CEP128: variants seen among roughly 807,000 people sequenced by gnomAD.
The protein encoded by CEP128 is centrosomal protein 128kDa.
CEP128 carries 132 observed loss-of-function variants against 156.7 expected under a neutral mutation model. The ratio of observed to expected loss-of-function variants is 0.84; its 90% confidence interval spans 0.73 to 0.97. CEP128 has a LOEUF of 0.97. Among genes scored for constraint, CEP128 ranks in the 50% least tolerant of loss-of-function variants. CEP128 has a pLI of 0.00. For missense variants in CEP128, 1,252 were observed against 1,281.9 expected, an observed-to-expected ratio of 0.98 and a Z score of 0.36; for synonymous variants, 469 against 448.9, an observed-to-expected ratio of 1.04 and a Z score of -0.57.
chr14:80,652,490 A>G (rs953423058), intron 19 of CEP128, among the ~76,000 whole-genome samples: 2 of 152,174 alleles, frequency 1.3e-5, no homozygotes, highest in Non-Finnish European at 2.9e-5. Context: ...ACTTAAATAA[A>G]TTTACAAGAA....
At chr14:80,710,609 A>C (rs1468660955) in intron 19 of CEP128, among the ~76,000 whole-genome samples, 1 of 152,116 alleles carries the variant, frequency 6.6e-6, no homozygotes, top group Non-Finnish European at 1.5e-5. Flanking sequence ...AATATAAAGC[A>C]AGTGACTTAT....
intron 23 of CEP128, among the ~76,000 whole-genome samples, chr14:80,509,588 T>C (rs1322384788): frequency 2.0e-5 from 3 of 152,194 alleles, no homozygotes; most frequent in Non-Finnish European, 4.4e-5. Context: ...ATTCTGTGGG[T>C]TGTCTTTTCA....
intron 23 of CEP128, among the ~76,000 whole-genome samples, chr14:80,505,272 T>A (rs1887920977): frequency 6.6e-6 from 1 of 152,244 alleles, no homozygotes; most frequent in Non-Finnish European, 1.5e-5. Context: ...GAATAGAATT[T>A]ATAAAACTTT....
chr14:80,531,278 T>C (rs773589881), intron 21 of CEP128, among the ~76,000 whole-genome samples: 1 of 152,226 alleles, frequency 6.6e-6, no homozygotes, highest in Non-Finnish European at 1.5e-5. Flanking sequence ...GTTACTTATC[T>C]ATGGAGTATA....
At chr14:80,754,261 GC>G in intron 18 of CEP128, among the ~76,000 whole-genome samples, 1 of 152,014 alleles carries the variant, frequency 6.6e-6, no homozygotes, top group South Asian at 2.1e-4. Flanking sequence ...TCATCAAATT[GC>G]TTCTGTTCTG....
At chr14:80,879,724 T>C (rs1888442220) in intron 8 of CEP128, among the ~76,000 whole-genome samples, 1 of 152,122 alleles carries the variant, frequency 6.6e-6, no homozygotes, top group African/African-American at 2.4e-5. Flanking sequence ...TTATGGGAAT[T>C]TCATAAAGAG....
intron 19 of CEP128, among the ~76,000 whole-genome samples, chr14:80,633,481 A>G (rs767648680): frequency 1.0e-4 from 13 of 130,410 alleles, no homozygotes; most frequent in Non-Finnish European, 1.9e-4. Flanking sequence ...CTTCTTCTCC[A>G]GTGTCTTCTG....
At chr14:80,700,702 T>C (rs937840185) in intron 19 of CEP128, among the ~76,000 whole-genome samples, 54 of 152,298 alleles carry the variant, frequency 3.5e-4, no homozygotes, top group African/African-American at 1.2e-3. Flanking sequence ...GTTAGCAATA[T>C]AGGATTCTGT....
chr14:80,914,739 T>C (rs951152392), intron 3 of CEP128, among the ~76,000 whole-genome samples: 7 of 152,164 alleles, frequency 4.6e-5, no homozygotes, highest in Non-Finnish European at 7.4e-5. Flanking sequence ...ACCCTCTTTA[T>C]AGAAAAGGAA....
At chr14:80,746,328 A>G (rs1282417395) in intron 18 of CEP128, among the ~76,000 whole-genome samples, 1 of 152,218 alleles carries the variant, frequency 6.6e-6, no homozygotes, top group Non-Finnish European at 1.5e-5. Context: ...ATACTTATCC[A>G]TTCCAAAGCT....
In CEP128 at chr14:80,785,301, T is replaced by A; in HGVS notation, c.1805A>T (p.Gln602Leu). Reference protein sequence around the residue: ...ESELKKQSKIQSQMKVEKAHL... With the variant: ...ESELKKQSKILSQMKVEKAHL... ...AGCTTTCTCAACTTTCATCTGGCTT[T>A]GGATCTTACTCTGCTTTTTCAATTC... is the stretch of plus-strand genomic sequence containing the variant. Residue 602 changes from glutamine to leucine, a missense_variant, in exon 15 of 25, where the codon CAA becomes CTA. Transcript: ENST00000555265. The A allele has an allele frequency of 6.2e-7, 1 of 1,614,200 alleles. No homozygotes were observed. Among genetic ancestry groups the A allele is most frequent in the Non-Finnish European group, 8.5e-7 (1 of 1,180,026 alleles).
At chr14:80,902,234 C>A (rs1883614577) in intron 6 of CEP128, among the ~76,000 whole-genome samples, 2 of 152,160 alleles carry the variant, frequency 1.3e-5, no homozygotes, top group South Asian at 4.1e-4. Context: ...TATTAAAAGA[C>A]AAGGTTTCTG....
rs545002263 is a variant in CEP128, at chr14:80,611,669, T to C, written c.2807-31246A>G. Among the ~76,000 whole-genome samples the C allele has an allele frequency of 4.6e-5, 7 of 152,290 alleles. No individual in the cohort carries two copies. In the South Asian group the frequency reaches 1.5e-3, roughly 32 times the overall value. On this transcript the variant is annotated intron_variant, in intron 19 of 24. Transcript: ENST00000555265. Reference sequence around the variant, plus strand: ...TCTTCTTAAATTTAAATCAGTAAGATTAAAAATTATAGCTTCACTCTAAGT... The same window carrying C: ...TCTTCTTAAATTTAAATCAGTAAGACTAAAAATTATAGCTTCACTCTAAGT...
At chr14:80,727,922 A>G (rs1010469082) in intron 19 of CEP128, among the ~76,000 whole-genome samples, 3 of 152,216 alleles carry the variant, frequency 2.0e-5, no homozygotes, top group Non-Finnish European at 2.9e-5. Context: ...GGGAATATCA[A>G]TTAGTTCAGC....
intron 6 of CEP128, among the ~76,000 whole-genome samples, chr14:80,901,176 A>G (rs1883541804): frequency 6.6e-6 from 1 of 151,892 alleles, no homozygotes; most frequent in Non-Finnish European, 1.5e-5. Flanking sequence ...ACTGCACTCC[A>G]GCCTGGGCGA....
chr14:80,955,846 ACT>A (rs766597914), intron 2 of CEP128: 1 of 1,614,126 alleles, frequency 6.2e-7, no homozygotes, highest in Non-Finnish European at 8.5e-7. Context: ...CAGTACGCAG[ACT>A]CTGTGAGTAC....
intron 19 of CEP128, among the ~76,000 whole-genome samples, chr14:80,705,673 A>G (rs1897218036): frequency 1.3e-5 from 2 of 152,106 alleles, no homozygotes; most frequent in Non-Finnish European, 2.9e-5. Context: ...AGAAAAGGCA[A>G]TGAGATTTTG....
chr14:80,926,350 T>C (rs1885144700), intron 2 of CEP128, among the ~76,000 whole-genome samples: 1 of 152,162 alleles, frequency 6.6e-6, no homozygotes, highest in Non-Finnish European at 1.5e-5. Flanking sequence ...GCCAAGTTCA[T>C]GGGAGCTGAG....
chr14:80,741,185 C>G (rs1048936887), intron 19 of CEP128, among the ~76,000 whole-genome samples: 1 of 152,120 alleles, frequency 6.6e-6, no homozygotes, highest in Non-Finnish European at 1.5e-5. Context: ...TATATTTGTT[C>G]ATATTCACTA....
Sources: gnomAD v4.1 joint callset for allele counts (sites outside exome capture counted in the v4.1 genomes callset) on GRCh38, gnomAD v4.1.1 for gene constraint, MANE v1.5 for transcripts, NCBI Gene and HGNC (gene_info 2026-07-23, HGNC 2026-07-21) for gene names.